PCDH15: variants seen among roughly 807,000 people sequenced by gnomAD.
The protein encoded by PCDH15 is protocadherin-15.
A neutral mutation model predicts 178.5 loss-of-function variants in PCDH15; 129 were observed. The observed-to-expected ratio is 0.72, with a 90% confidence interval of 0.63 to 0.84. The LOEUF (loss-of-function observed/expected upper bound fraction) is 0.84, where lower values mean the gene tolerates loss of function less well. Among genes scored for constraint, PCDH15 ranks in the 40% least tolerant of loss-of-function variants. The probability of loss-of-function intolerance (pLI) is 0.00; values close to 1 mark genes in which losing one functional copy is unlikely to be tolerated. For missense variants in PCDH15, 2,230 were observed against 2,099.9 expected (o/e 1.06, Z -1.21); for synonymous variants, 800 against 732.0 (o/e 1.09, Z -1.50).
At chr10:54,189,266 G>A (rs182434386) in intron 11 of PCDH15, 109 of 872,252 alleles carry the variant, frequency 1.2e-4, no homozygotes, top group East Asian at 9.4e-4. Context: ...GGATAATGAA[G>A]TAATACCTAC....
intron 3 of PCDH15, among the ~76,000 whole-genome samples, chr10:54,479,787 C>G (rs1480334542): frequency 6.6e-6 from 1 of 151,928 alleles, no homozygotes; most frequent in East Asian, 1.9e-4. Context: ...AAAAATAATA[C>G]TGTTAAATTA....
intron 16 of PCDH15, among the ~76,000 whole-genome samples, chr10:54,087,505 T>G (rs2094533442): frequency 6.7e-6 from 1 of 150,160 alleles, no homozygotes; most frequent in African/African-American, 2.4e-5. Context: ...TGATGAGTAA[T>G]ATTATATTAT....
intron 3 of PCDH15, among the ~76,000 whole-genome samples, chr10:54,446,315 T>C (rs2076139288): frequency 6.6e-6 from 1 of 151,688 alleles, no homozygotes; most frequent in African/African-American, 2.4e-5. Flanking sequence ...TTTAAATACA[T>C]TCTCTCATAT....
At chr10:55,023,481 AT>A (rs1453489286) in intron 2 of PCDH15, among the ~76,000 whole-genome samples, 1 of 152,174 alleles carries the variant, frequency 6.6e-6, no homozygotes, top group African/African-American at 2.4e-5. Context: ...TGTAATTACA[AT>A]AAAATAAGCA....
intron 2 of PCDH15, among the ~76,000 whole-genome samples, chr10:55,021,837 A>C (rs28618198): frequency 0.017 from 2,560 of 151,518 alleles, 74 homozygotes; most frequent in African/African-American, 0.058. Flanking sequence ...ATATTTGCTA[A>C]CTGTTCTTTT....
chr10:55,239,472 GC>G (rs1841484894), intron 1 of PCDH15, among the ~76,000 whole-genome samples: 1 of 152,128 alleles, frequency 6.6e-6, no homozygotes, highest in East Asian at 1.9e-4. Flanking sequence ...AATAAATGGT[GC>G]TAGCAAAACT....
At chr10:55,104,305 G>A (rs376978547) in intron 2 of PCDH15, among the ~76,000 whole-genome samples, 38 of 151,856 alleles carry the variant, frequency 2.5e-4, no homozygotes, top group African/African-American at 7.7e-4. Flanking sequence ...TGTCTGCTGC[G>A]TCTTGATCGG....
intron 3 of PCDH15, among the ~76,000 whole-genome samples, chr10:54,446,526 T>C (rs1019105351): frequency 4.0e-5 from 6 of 151,646 alleles, no homozygotes; most frequent in East Asian, 1.9e-4. Flanking sequence ...TGTTATTTCA[T>C]CTTTGTGAGT....
At chr10:55,077,120 T>A (rs1328796900) in intron 2 of PCDH15, among the ~76,000 whole-genome samples, 1 of 151,988 alleles carries the variant, frequency 6.6e-6, no homozygotes, top group South Asian at 2.1e-4. Context: ...TTTTGGTTTT[T>A]ATTTGAGTGG....
chr10:55,249,101 T>A (rs140655234), intron 1 of PCDH15, among the ~76,000 whole-genome samples: 1,604 of 151,886 alleles, frequency 0.011, 40 homozygotes, highest in African/African-American at 0.037. Flanking sequence ...AACGATAAAA[T>A]CAACAAACAG....
At chr10:54,472,554 T>C (rs2077990276) in intron 3 of PCDH15, among the ~76,000 whole-genome samples, 2 of 152,190 alleles carry the variant, frequency 1.3e-5, no homozygotes, top group African/African-American at 4.8e-5. Flanking sequence ...ATGATTGTTA[T>C]CTACTATGTA....
intron 27 of PCDH15, among the ~76,000 whole-genome samples, chr10:53,858,329 G>C (rs989072404): frequency 6.6e-6 from 1 of 152,038 alleles, no homozygotes; most frequent in Non-Finnish European, 1.5e-5. Context: ...CCCATTAGGG[G>C]TCACAAACTC....
chr10:55,343,946 C>T (rs1484349053), intron 2 of PCDH15, among the ~76,000 whole-genome samples: 6 of 151,726 alleles, frequency 4.0e-5, no homozygotes, highest in South Asian at 2.1e-4. Context: ...TGATATTTGG[C>T]GGAGGTTGCA....
At chr10:54,101,655 T>C (rs2094814226) in intron 15 of PCDH15, among the ~76,000 whole-genome samples, 1 of 152,102 alleles carries the variant, frequency 6.6e-6, no homozygotes, top group Non-Finnish European at 1.5e-5. Context: ...TCACAACTGC[T>C]AAAAAAGAAA....
chr10:55,537,894 C>G (rs552795519), intron 2 of PCDH15, among the ~76,000 whole-genome samples: 19 of 152,086 alleles, frequency 1.2e-4, no homozygotes, highest in African/African-American at 4.3e-4. Context: ...TTTTATTTAT[C>G]GATTTGTTCT....
At chr10:55,360,407 G>T (rs1845199547) in intron 2 of PCDH15, among the ~76,000 whole-genome samples, 2 of 151,768 alleles carry the variant, frequency 1.3e-5, no homozygotes, top group Admixed American at 1.3e-4. Context: ...TCAATTAATT[G>T]TACTTAACAT....
intron 30 of PCDH15, among the ~76,000 whole-genome samples, chr10:53,830,297 G>A (rs544336923): frequency 2.1e-3 from 272 of 129,624 alleles, no homozygotes; most frequent in African/African-American, 6.9e-3. Context: ...GCCAGACTCC[G>A]TCTCCAGGAA....
intron 2 of PCDH15, among the ~76,000 whole-genome samples, chr10:55,623,757 T>C (rs1408335936): frequency 6.7e-6 from 1 of 150,276 alleles, no homozygotes; most frequent in South Asian, 2.1e-4. Context: ...AAAAAGGCAG[T>C]CTTTGGCAAT....
chr10:54,265,240 C>A (rs1271943189), intron 8 of PCDH15, among the ~76,000 whole-genome samples: 2 of 152,062 alleles, frequency 1.3e-5, no homozygotes, highest in Admixed American at 6.5e-5. Context: ...ACCAGACTAG[C>A]CCTGCAGAAA....
Sources: allele counts gnomAD v4.1 joint callset (sites outside exome capture counted in the v4.1 genomes callset), GRCh38; gene constraint gnomAD v4.1.1; transcripts MANE v1.5; gene names NCBI Gene and HGNC (gene_info 2026-07-23, HGNC 2026-07-21).